The following PTPRD variants were observed in gnomAD, a reference collection of about 807,000 sequenced individuals.
PTPRD encodes the protein protein tyrosine phosphatase receptor type D.
A neutral mutation model predicts 214.5 loss-of-function variants in PTPRD; 34 were observed. That is an observed-to-expected ratio of 0.16 (90% confidence interval 0.12 to 0.21). The LOEUF is 0.21. Among genes scored for constraint, PTPRD ranks in the 10% least tolerant of loss-of-function variants. The pLI is 1.00. For synonymous variants in PTPRD, 1,128 were observed against 845.7 expected, an observed-to-expected ratio of 1.33 and a Z score of -5.79; for missense variants, 2,545 against 2,398.7, an observed-to-expected ratio of 1.06 and a Z score of -1.27.
chr9:8,437,052 C>A, intron 34 of PTPRD: 1 of 644,440 alleles, frequency 1.6e-6, no homozygotes, highest in Non-Finnish European at 2.6e-6. Flanking sequence ...AACTCCTTCT[C>A]CTGCACTGTG....
intron 9 of PTPRD, among the ~76,000 whole-genome samples, chr9:9,335,278 A>G (rs760829238): frequency 6.6e-6 from 1 of 152,052 alleles, no homozygotes; most frequent in Non-Finnish European, 1.5e-5. Flanking sequence ...CTCATCACCA[A>G]TCTGATCATT....
chr9:10,464,536 C>T (rs1422446602), intron 2 of PTPRD, among the ~76,000 whole-genome samples: 9 of 151,478 alleles, frequency 5.9e-5, no homozygotes, highest in Admixed American at 5.9e-4. Context: ...TAAATTCTGA[C>T]CATTACAGCT....
chr9:8,850,558 G>C (rs911680851), intron 11 of PTPRD, among the ~76,000 whole-genome samples: 1 of 151,238 alleles, frequency 6.6e-6, no homozygotes. Context: ...CCCCCTCCCC[G>C]AGAAAAGCAA....
At chr9:9,979,479 T>C (rs2095469132) in intron 4 of PTPRD, among the ~76,000 whole-genome samples, 1 of 152,020 alleles carries the variant, frequency 6.6e-6, no homozygotes, top group Non-Finnish European at 1.5e-5. Context: ...AAATATACTC[T>C]TATTTTTTGA....
intron 12 of PTPRD, among the ~76,000 whole-genome samples, chr9:8,658,789 C>T (rs1376469501): frequency 6.6e-6 from 1 of 151,932 alleles, no homozygotes; most frequent in Non-Finnish European, 1.5e-5. Context: ...CTATTTCTAC[C>T]ATTGTAGAGT....
At chr9:9,913,037 G>A (rs1443914170) in intron 5 of PTPRD, among the ~76,000 whole-genome samples, 1 of 151,824 alleles carries the variant, frequency 6.6e-6, no homozygotes, top group East Asian at 1.9e-4. Flanking sequence ...TTTTAAGTCT[G>A]CTTATTTCAT....
chr9:9,298,444 T>C (rs1363348959), intron 9 of PTPRD, among the ~76,000 whole-genome samples: 1 of 151,760 alleles, frequency 6.6e-6, no homozygotes, highest in African/African-American at 2.4e-5. Context: ...TCATGGCAGA[T>C]GGAATACACT....
chr9:9,833,524 T>C (rs888885116), intron 5 of PTPRD, among the ~76,000 whole-genome samples: 1 of 151,592 alleles, frequency 6.6e-6, no homozygotes, highest in Non-Finnish European at 1.5e-5. Context: ...TTGTCATTGA[T>C]AACATCTTAT....
intron 8 of PTPRD, among the ~76,000 whole-genome samples, chr9:9,428,411 T>C (rs1013283947): frequency 2.6e-5 from 4 of 152,114 alleles, no homozygotes; most frequent in Admixed American, 6.5e-5. Flanking sequence ...AGCAAGTCCA[T>C]AGAGACCTAC....
At chr9:10,173,012 A>C (rs1055254626) in intron 3 of PTPRD, among the ~76,000 whole-genome samples, 1 of 152,186 alleles carries the variant, frequency 6.6e-6, no homozygotes, top group African/African-American at 2.4e-5. Context: ...TCCTTTGTAA[A>C]AGTGAAGCCA....
intron 43 of PTPRD, among the ~76,000 whole-genome samples, chr9:8,335,672 G>C (rs566799374): frequency 4.6e-5 from 7 of 152,192 alleles, no homozygotes; most frequent in Non-Finnish European, 1.0e-4. Flanking sequence ...GAAGTAACGG[G>C]TATTCAATTA....
chr9:9,156,086 C>G (rs1343934519), intron 10 of PTPRD, among the ~76,000 whole-genome samples: 3 of 152,108 alleles, frequency 2.0e-5, no homozygotes, highest in African/African-American at 7.2e-5. Flanking sequence ...TATTTATTCA[C>G]AGTTCTTGTT....
At chr9:9,078,303 C>T in intron 10 of PTPRD, among the ~76,000 whole-genome samples, 1 of 152,028 alleles carries the variant, frequency 6.6e-6, no homozygotes, top group East Asian at 1.9e-4. Context: ...TTTCTGAGTT[C>T]TGCTGAAAAA....
intron 2 of PTPRD, among the ~76,000 whole-genome samples, chr9:10,569,666 C>T (rs2066820574): frequency 6.6e-6 from 1 of 151,936 alleles, no homozygotes; most frequent in South Asian, 2.1e-4. Flanking sequence ...TCTCTATAAT[C>T]CACTTTTTCT....
At chr9:9,854,343 A>T (rs2061125455) in intron 5 of PTPRD, among the ~76,000 whole-genome samples, 1 of 152,154 alleles carries the variant, frequency 6.6e-6, no homozygotes, top group Non-Finnish European at 1.5e-5. Flanking sequence ...CATAATTAGA[A>T]TTTAATCATA....
At chr9:9,676,921 CTTCTT>C in intron 7 of PTPRD, among the ~76,000 whole-genome samples, 1 of 152,096 alleles carries the variant, frequency 6.6e-6, no homozygotes, top group Admixed American at 6.6e-5. Context: ...GCATGAATGT[CTTCTT>C]TTGAGAAGTG....
rs183439934 is a variant in PTPRD at position 9,973,097 on chromosome 9, C to T, written c.-471-34487G>A. ...AAGTCTAGAATTTAGTTACTCCTAC[C>T]AGAAGGGAATAGTCATTTCTCTCTC... On this transcript the variant is annotated intron_variant, in intron 4 of 45. Coordinates refer to ENST00000381196, the MANE Select transcript of PTPRD (RefSeq NM_002839.4). 4.4e-3 allele frequency among the ~76,000 whole-genome samples: 670 copies of T among 151,972 alleles called. 4 individuals carry two copies. The highest frequency in any genetic ancestry group is 6.7e-3 in the Admixed American group (102 of 15,260).
chr9:10,391,700 T>A (rs1040821048), intron 2 of PTPRD, among the ~76,000 whole-genome samples: 2 of 151,928 alleles, frequency 1.3e-5, no homozygotes, highest in East Asian at 3.9e-4. Context: ...CCCAGAAAGT[T>A]CTGTCACCAT....
At position 10,051,855 on chromosome 9, in the gene PTPRD, T is replaced by A. The variant is rs115681927; in HGVS notation, c.-544-18065A>T. On this transcript the variant is annotated intron_variant, in intron 3 of 45. Transcript: ENST00000381196. Reference sequence around the variant, plus strand: ...CTCTTTTTATTCAGATAAGAAATGCTACACAAATTTAATTTTCAAATTCAC... The same window carrying A: ...CTCTTTTTATTCAGATAAGAAATGCAACACAAATTTAATTTTCAAATTCAC... Among the ~76,000 whole-genome samples, 1,267 of 152,318 alleles carry A rather than the reference T, an allele frequency of 8.3e-3. 14 individuals carry two copies. Among genetic ancestry groups the A allele is most frequent in the African/African-American group, 0.028 (1,172 of 41,568 alleles).
Sources: gnomAD v4.1 joint callset for allele counts (sites outside exome capture counted in the v4.1 genomes callset) on GRCh38, gnomAD v4.1.1 for gene constraint, MANE v1.5 for transcripts, NCBI Gene and HGNC (gene_info 2026-07-23, HGNC 2026-07-21) for gene names.